The following HS3ST3A1 variants were observed in gnomAD, a reference collection of about 807,000 sequenced individuals.
The protein encoded by HS3ST3A1 is heparan sulfate-glucosamine 3-sulfotransferase 3A1, also known as heparan sulfate glucosamine 3-O-sulfotransferase 3A1.
Under a neutral mutation model 25.7 loss-of-function variants are expected in HS3ST3A1, and 19 were observed. The observed-to-expected ratio is 0.74, with a 90% CI of 0.52 to 1.08. HS3ST3A1 has a LOEUF of 1.08. Ranked by LOEUF, HS3ST3A1 falls within the 50% of genes least tolerant of loss-of-function variation. The probability of loss-of-function intolerance (pLI) is 0.00; values close to 1 mark genes in which losing one functional copy is unlikely to be tolerated. For synonymous variants in HS3ST3A1, 226 were observed against 278.6 expected (o/e 0.81, Z 1.88); for missense variants, 459 against 594.3 (o/e 0.77, Z 2.37).
chr17:13,522,549 C>CA (rs2142320432), intron 1 of HS3ST3A1, among the ~76,000 whole-genome samples: 1 of 152,196 alleles, frequency 6.6e-6, no homozygotes, highest in Admixed American at 6.5e-5. Context: ...AAGGAAATAG[C>CA]AAAATATGTG....
intron 1 of HS3ST3A1, among the ~76,000 whole-genome samples, chr17:13,545,603 T>C (rs1320402190): frequency 2.0e-5 from 3 of 152,200 alleles, no homozygotes; most frequent in African/African-American, 7.2e-5. Flanking sequence ...CACCAGTGTT[T>C]GCTGATCCTG....
chr17:13,552,228 C>T (rs1028096223), intron 1 of HS3ST3A1, among the ~76,000 whole-genome samples: 6 of 152,154 alleles, frequency 3.9e-5, no homozygotes, highest in African/African-American at 1.4e-4. Context: ...TACAGGCACA[C>T]ACCACCACAC....
chr17:13,596,940 G>A (rs895923625), intron 1 of HS3ST3A1, among the ~76,000 whole-genome samples: 6 of 152,020 alleles, frequency 3.9e-5, no homozygotes, highest in African/African-American at 1.2e-4. Context: ...ATGATCGTTC[G>A]AGGCCAGAAA....
intron 1 of HS3ST3A1, among the ~76,000 whole-genome samples, chr17:13,524,336 C>T (rs2142322869): frequency 6.6e-6 from 1 of 152,248 alleles, no homozygotes; most frequent in Non-Finnish European, 1.5e-5. Flanking sequence ...CGGCTCACTG[C>T]AGCCTCAAGC....
chr17:13,565,526 T>C (rs1907655338), intron 1 of HS3ST3A1, among the ~76,000 whole-genome samples: 1 of 147,186 alleles, frequency 6.8e-6, no homozygotes, highest in African/African-American at 2.4e-5. Flanking sequence ...AGTGAGACCC[T>C]GTCTCAAAAA....
chr17:13,552,731 A>G (rs1200865074), intron 1 of HS3ST3A1, among the ~76,000 whole-genome samples: 2 of 152,222 alleles, frequency 1.3e-5, no homozygotes, highest in Non-Finnish European at 2.9e-5. Flanking sequence ...ATGTAAATTA[A>G]GACAAAGAAA....
intron 1 of HS3ST3A1, among the ~76,000 whole-genome samples, chr17:13,561,910 C>G (rs73296157): frequency 0.013 from 1,906 of 151,954 alleles, 37 homozygotes; most frequent in African/African-American, 0.043. Flanking sequence ...GTGTAGGGTA[C>G]GGATCTGTGT....
intron 1 of HS3ST3A1, among the ~76,000 whole-genome samples, chr17:13,541,294 G>A (rs1906923948): frequency 6.6e-6 from 1 of 152,180 alleles, no homozygotes; most frequent in African/African-American, 2.4e-5. Flanking sequence ...GTGATTCACT[G>A]GCGGGTGATG....
At position 13,545,808 on chromosome 17, in the gene HS3ST3A1, C is replaced by T. The variant is rs182993093; in HGVS notation, c.600-48990G>A. Among the ~76,000 whole-genome samples, 890 of 150,498 alleles carry T rather than the reference C, an allele frequency of 5.9e-3. 5 individuals are homozygous for T. Among genetic ancestry groups the T allele is most frequent in the Non-Finnish European group, 0.01 (670 of 66,950 alleles). ...CCTAGCTAACATGGTGAAACTTTCT[C>T]TAATAACAATACAAAAATTAGCCGG... is the stretch of plus-strand genomic sequence containing the variant. On this transcript the variant is annotated intron_variant, in intron 1 of 1. Coordinates refer to ENST00000284110, the MANE Select transcript of HS3ST3A1 (RefSeq NM_006042.3).
chr17:13,585,855 T>TTC (rs1200514721), intron 1 of HS3ST3A1, among the ~76,000 whole-genome samples: 23 of 140,668 alleles, frequency 1.6e-4, no homozygotes, highest in African/African-American at 5.6e-4. Context: ...TTTTTTTTTT[T>TTC]TTTTTTTTTT....
chr17:13,568,637 T>A (rs1373723961), intron 1 of HS3ST3A1, among the ~76,000 whole-genome samples: 1 of 152,190 alleles, frequency 6.6e-6, no homozygotes, highest in African/African-American at 2.4e-5. Flanking sequence ...GATTTTGAGG[T>A]CAGTTTGGGG....
chr17:13,594,840 CTTTTGTTGCTGCTGTAG>C (rs943088930), intron 1 of HS3ST3A1, among the ~76,000 whole-genome samples: 10 of 150,610 alleles, frequency 6.6e-5, no homozygotes, highest in African/African-American at 2.4e-4. Context: ...TAAACACAAG[CTTTTGTTGCTGCTGTAG>C]TTTCTTTTTT....
At chr17:13,591,179 T>C (rs1321074674) in intron 1 of HS3ST3A1, among the ~76,000 whole-genome samples, 1 of 151,748 alleles carries the variant, frequency 6.6e-6, no homozygotes, top group Non-Finnish European at 1.5e-5. Flanking sequence ...CCGGAGTACC[T>C]GGGATTACAG....
intron 1 of HS3ST3A1, among the ~76,000 whole-genome samples, chr17:13,573,408 C>A (rs569612654): frequency 1.3e-5 from 2 of 152,202 alleles, no homozygotes; most frequent in Non-Finnish European, 2.9e-5. Flanking sequence ...AGCTCCCCAC[C>A]TGACCTCTCT....
Position 13,533,277 on chromosome 17 carries a change from C to T in HS3ST3A1, c.600-36459G>A, listed in dbSNP as rs79731018. On this transcript the variant is annotated intron_variant, in intron 1 of 1. Transcript: ENST00000284110. Reference sequence around the variant, plus strand: ...CTTAATAAGGGAAATAGGAAAGAAACGAATATTTAATACATATCTGCTACA... The same window carrying T: ...CTTAATAAGGGAAATAGGAAAGAAATGAATATTTAATACATATCTGCTACA... Among the ~76,000 whole-genome samples, 470 of 152,008 alleles carry T rather than the reference C, an allele frequency of 3.1e-3. 3 individuals carry two copies. The highest frequency in any genetic ancestry group is 0.011 in the African/African-American group (447 of 41,484).
At chr17:13,544,287 A>G (rs181480448) in intron 1 of HS3ST3A1, among the ~76,000 whole-genome samples, 6 of 152,344 alleles carry the variant, frequency 3.9e-5, no homozygotes, top group Admixed American at 2.6e-4. Context: ...TAAGAAGAAG[A>G]GCAACAAAAA....
intron 1 of HS3ST3A1, among the ~76,000 whole-genome samples, chr17:13,504,256 G>T (rs1008994666): frequency 3.3e-5 from 5 of 152,090 alleles, no homozygotes; most frequent in Admixed American, 6.6e-5. Context: ...AGTGGAGGTC[G>T]CAGTGAGCTG....
At chr17:13,564,423 C>G (rs540709714) in intron 1 of HS3ST3A1, among the ~76,000 whole-genome samples, 2 of 152,168 alleles carry the variant, frequency 1.3e-5, no homozygotes, top group East Asian at 1.9e-4. Flanking sequence ...TCCAGTACCC[C>G]CTAAGGATAC....
chr17:13,526,580 T>C (rs1340872519), intron 1 of HS3ST3A1, among the ~76,000 whole-genome samples: 1 of 147,756 alleles, frequency 6.8e-6, no homozygotes, highest in Non-Finnish European at 1.5e-5. Context: ...TCTCCTCACC[T>C]GAGGATACTA....
Sources: gnomAD v4.1 joint callset for allele counts (sites outside exome capture counted in the v4.1 genomes callset) on GRCh38, gnomAD v4.1.1 for gene constraint, MANE v1.5 for transcripts, NCBI Gene and HGNC (gene_info 2026-07-23, HGNC 2026-07-21) for gene names.